Variants in LRRTM4 observed in about 807,000 individuals in gnomAD.
The protein encoded by LRRTM4 is leucine rich repeat transmembrane neuronal 4, also known as leucine-rich repeat transmembrane neuronal protein 4.
In LRRTM4, 25 loss-of-function variants were observed where a neutral mutation model predicts 47.6. That is an observed-to-expected ratio of 0.53 (90% CI 0.38 to 0.73). The LOEUF is 0.73. Ranked by LOEUF, LRRTM4 falls within the 30% of genes least tolerant of loss-of-function variation. The probability of loss-of-function intolerance (pLI) is 0.00; values close to 1 mark genes in which losing one functional copy is unlikely to be tolerated. For synonymous variants in LRRTM4, 311 were observed against 269.5 expected (o/e 1.15, Z -1.51); for missense variants, 638 against 713.4 (o/e 0.89, Z 1.20).
At chr2:77,417,259 T>A (rs928751534) in intron 3 of LRRTM4, among the ~76,000 whole-genome samples, 16 of 152,052 alleles carry the variant, frequency 1.1e-4, no homozygotes, top group Non-Finnish European at 2.4e-4. Flanking sequence ...CTGGAGAGGA[T>A]GTGGAGAAAT....
chr2:77,062,204 C>A (rs1003863461), intron 3 of LRRTM4, among the ~76,000 whole-genome samples: 1 of 152,182 alleles, frequency 6.6e-6, no homozygotes, highest in African/African-American at 2.4e-5. Context: ...CTCCTCCAAA[C>A]TGACAATATC....
At chr2:77,424,825 C>T (rs1410135424) in intron 3 of LRRTM4, among the ~76,000 whole-genome samples, 1 of 152,164 alleles carries the variant, frequency 6.6e-6, no homozygotes, top group Non-Finnish European at 1.5e-5. Context: ...CTATATTTGG[C>T]TATAGACCCA....
At chr2:76,922,165 T>A (rs188410189) in intron 3 of LRRTM4, among the ~76,000 whole-genome samples, 263 of 152,202 alleles carry the variant, frequency 1.7e-3, no homozygotes, top group Non-Finnish European at 3.1e-3. Context: ...TAATGTATGA[T>A]CTCACTTATA....
intron 3 of LRRTM4, among the ~76,000 whole-genome samples, chr2:77,353,409 A>G (rs891238125): frequency 3.3e-5 from 5 of 152,172 alleles, no homozygotes; most frequent in Non-Finnish European, 7.4e-5. Flanking sequence ...AAATTCCTCA[A>G]TGACATGCTT....
At chr2:77,313,398 CT>C (rs1677525041) in intron 3 of LRRTM4, among the ~76,000 whole-genome samples, 2 of 88,180 alleles carry the variant, frequency 2.3e-5, no homozygotes, top group Non-Finnish European at 3.8e-5. Context: ...TGTGATGTGC[CT>C]CCCTACGTTT....
chr2:77,462,685 A>C (rs943711615), intron 3 of LRRTM4, among the ~76,000 whole-genome samples: 3 of 152,128 alleles, frequency 2.0e-5, no homozygotes, highest in African/African-American at 7.2e-5. Context: ...TGCTGGATTC[A>C]CAAATGATGA....
At chr2:76,906,366 C>A (rs1673838625) in intron 3 of LRRTM4, among the ~76,000 whole-genome samples, 1 of 152,106 alleles carries the variant, frequency 6.6e-6, no homozygotes, top group Non-Finnish European at 1.5e-5. Context: ...TGGAAAGGAA[C>A]AACCAGTACC....
intron 3 of LRRTM4, among the ~76,000 whole-genome samples, chr2:76,781,734 G>T (rs1198155040): frequency 1.3e-5 from 2 of 149,448 alleles, no homozygotes; most frequent in South Asian, 2.1e-4. Context: ...CACGCTGGGA[G>T]CTATAGACCG....
intron 3 of LRRTM4, among the ~76,000 whole-genome samples, chr2:76,940,040 G>T (rs1273660637): frequency 6.6e-6 from 1 of 152,114 alleles, no homozygotes; most frequent in African/African-American, 2.4e-5. Context: ...CACTCTTGGT[G>T]GGGGTGTAAA....
chr2:77,257,768 GA>G (rs1297563193), intron 3 of LRRTM4, among the ~76,000 whole-genome samples: 1 of 150,668 alleles, frequency 6.6e-6, no homozygotes, highest in Admixed American at 6.6e-5. Flanking sequence ...AGAAAATGGA[GA>G]AAAACATTAA....
At chr2:77,489,540 AG>A (rs1233824861) in intron 3 of LRRTM4, among the ~76,000 whole-genome samples, 1 of 152,266 alleles carries the variant, frequency 6.6e-6, no homozygotes, top group Non-Finnish European at 1.5e-5. Context: ...CAACATTTAA[AG>A]CAACATGCAC....
At chr2:76,865,295 C>T (rs1164102606) in intron 3 of LRRTM4, among the ~76,000 whole-genome samples, 2 of 152,084 alleles carry the variant, frequency 1.3e-5, no homozygotes, top group Admixed American at 1.3e-4. Context: ...TGACTAACAA[C>T]ACACTAGGAT....
rs114369649 is a variant in LRRTM4 at position 77,342,662 on chromosome 2, A to G, written c.1551+175656T>C. 6.8e-3 allele frequency among the ~76,000 whole-genome samples: 1,037 copies of G among 152,140 alleles called. 9 individuals carry two copies. The highest frequency in any genetic ancestry group is 0.024 in the African/African-American group (990 of 41,544). On this transcript the variant is annotated intron_variant, in intron 3 of 3. Transcript: ENST00000409884. ...TATATACACAATTGTATAATAAAAT[A>G]TCTTCCAGAGAACAGTCATTTAATA...
chr2:77,209,917 G>A (rs895317546), intron 3 of LRRTM4, among the ~76,000 whole-genome samples: 3 of 152,050 alleles, frequency 2.0e-5, no homozygotes, highest in Non-Finnish European at 2.9e-5. Flanking sequence ...TACAATTCTT[G>A]CTTTTTCAAA....
At chr2:77,231,690 C>T (rs1674969916) in intron 3 of LRRTM4, among the ~76,000 whole-genome samples, 1 of 152,088 alleles carries the variant, frequency 6.6e-6, no homozygotes, top group Non-Finnish European at 1.5e-5. Flanking sequence ...TTGCAGGAAT[C>T]CTCTCAGGTG....
At chr2:76,919,840 A>G (rs1051336686) in intron 3 of LRRTM4, among the ~76,000 whole-genome samples, 1 of 152,174 alleles carries the variant, frequency 6.6e-6, no homozygotes, top group Non-Finnish European at 1.5e-5. Flanking sequence ...AGTCTTACAT[A>G]TGACGGGTCT....
chr2:77,146,341 A>G (rs1419871729), intron 3 of LRRTM4, among the ~76,000 whole-genome samples: 1 of 151,974 alleles, frequency 6.6e-6, no homozygotes, highest in East Asian at 1.9e-4. Flanking sequence ...CTTAATTTCA[A>G]CTCCTGCTCT....
chr2:77,420,576 C>T (rs975117105), intron 3 of LRRTM4, among the ~76,000 whole-genome samples: 18 of 151,156 alleles, frequency 1.2e-4, no homozygotes, highest in Admixed American at 2.6e-4. Context: ...AAGGAAAAAG[C>T]TATTCATACT....
At chr2:77,469,505 G>T (rs916500636) in intron 3 of LRRTM4, among the ~76,000 whole-genome samples, 11 of 152,146 alleles carry the variant, frequency 7.2e-5, no homozygotes, top group Non-Finnish European at 1.0e-4. Context: ...TTAGTGCCAG[G>T]TTAACACATA....
Sources: gnomAD v4.1 joint callset for allele counts (sites outside exome capture counted in the v4.1 genomes callset) on GRCh38, gnomAD v4.1.1 for gene constraint, MANE v1.5 for transcripts, NCBI Gene and HGNC (gene_info 2026-07-23, HGNC 2026-07-21) for gene names.